The following ACIN1 variants were observed in gnomAD, a reference collection of about 807,000 sequenced individuals.
ACIN1 encodes the protein apoptotic chromatin condensation inducer 1.
In ACIN1, 16 loss-of-function variants were observed where a neutral mutation model predicts 146.6. The observed-to-expected ratio is 0.11, with a 90% CI of 0.07 to 0.17. ACIN1 has a LOEUF of 0.17. ACIN1 is among the 10% of genes least tolerant of loss of function. The pLI, the probability that ACIN1 is intolerant of heterozygous loss-of-function variation, is 1.00. For missense variants in ACIN1, 1,357 were observed against 1,609.3 expected, an observed-to-expected ratio of 0.84 and a Z score of 2.68; for synonymous variants, 569 against 582.7, an observed-to-expected ratio of 0.98 and a Z score of 0.34.
chr14:23,064,170 T>A lies in ACIN1; in HGVS notation c.2530A>T (p.Thr844Ser). The part of the protein sequence containing the change: ...ADDSRISEDE[T>S]ERNGDDGTHD... ...GTCCCATCATCGCCATTACGCTCTG[T>A]CTCATCCTCAGAGATGCGAGAGTCA... Residue 844 changes from threonine to serine, a missense_variant, in exon 12 of 19, where the codon ACA becomes TCA. Physicochemically the swap from Thr to Ser is moderately conservative, Grantham distance 58. Coordinates refer to ENST00000605057, the MANE Select transcript of ACIN1 (RefSeq NM_001386863.1). 1 of 1,614,118 alleles carries A rather than the reference T, an allele frequency of 6.2e-7. No individual in the cohort carries two copies. The highest frequency in any genetic ancestry group is 1.1e-5 in the South Asian group (1 of 91,082).
In ACIN1 at chr14:23,071,332, G is replaced by C. The variant is rs2140085708; in HGVS notation, c.2124-1715C>G. On this transcript the variant is annotated intron_variant, in intron 8 of 18. Coordinates refer to ENST00000605057, the MANE Select transcript of ACIN1 (RefSeq NM_001386863.1). ...AGAGAAAATTGAGATGTAGCAACCGGGGATCCAAAAAATGGTAAATGGAAG... is the reference window on the plus strand; with the variant it reads ...AGAGAAAATTGAGATGTAGCAACCGCGGATCCAAAAAATGGTAAATGGAAG... 2.0e-6 allele frequency: 3 copies of C among 1,513,354 alleles called. No individual in the cohort carries two copies. The Admixed American group carries it at 6.7e-5, about 34-fold the overall frequency. The allele number at this position is 1,513,354 out of a possible 1,614,324, so 93.7% of individuals were successfully genotyped here.
chr14:23,072,411 A>C (rs191235296), intron 8 of ACIN1, among the ~76,000 whole-genome samples: 1 of 152,200 alleles, frequency 6.6e-6, no homozygotes, highest in Middle Eastern at 3.2e-3. Context: ...GTGAGGCTCT[A>C]AAGTAGATAA....
At position 23,059,291 on chromosome 14, in the gene ACIN1, T is replaced by C. The variant is rs1020804534; in HGVS notation, c.3709A>G (p.Arg1237Gly). Residue 1237 changes from arginine (R) to glycine (G), a missense_variant, in exon 19 of 19, where the codon AGG becomes GGG. Arg to Gly is a moderately radical substitution (Grantham distance 125). Transcript: ENST00000605057. ...TCTCGGTCCCCCCTGTCCCGCTCCC[T>C]TTCTCTCTCTCTCTCCCTGTCCCTC... Reference protein sequence around the residue: ...RERDRERERERERDRGDRDRD... With the variant: ...RERDREREREGERDRGDRDRD... 1.2e-6 allele frequency: 2 copies of C among 1,600,054 alleles called. No individual in the cohort carries two copies. Among genetic ancestry groups the C allele is most frequent in the Non-Finnish European group, 1.7e-6 (2 of 1,167,330 alleles).
intron 12 of ACIN1, among the ~76,000 whole-genome samples, chr14:23,063,783 A>T (rs1438899720): frequency 6.6e-6 from 1 of 152,196 alleles, no homozygotes. Context: ...GGAGTTAGTA[A>T]ATTTTTTCTG....
In ACIN1 at chr14:23,063,682, C is replaced by T. The variant is rs553014339; in HGVS notation, c.2596-105G>A. The T allele has an allele frequency of 3.8e-6, 5 of 1,319,972 alleles. No homozygotes were observed. In the African/African-American group the frequency reaches 5.8e-5, roughly 15 times the overall value. The allele number at this position is 1,319,972 out of a possible 1,614,324, so 81.8% of individuals were successfully genotyped here. The stretch of plus-strand genomic sequence containing the variant: ...AGAGTAGCAGTCAATCTAGCATGTT[C>T]CTTCCGCTAGGGGTATTTCGTTATC... On this transcript the variant is annotated intron_variant, in intron 12 of 18. Transcript: ENST00000605057.
chr14:23,085,971 TA>T (rs1336175503), intron 4 of ACIN1, among the ~76,000 whole-genome samples: 3 of 152,222 alleles, frequency 2.0e-5, no homozygotes, highest in Non-Finnish European at 4.4e-5. Flanking sequence ...CAGGATATAT[TA>T]AAGTGCAGAA....
intron 3 of ACIN1, 51 bp from the exon 4 acceptor site, chr14:23,090,152 T>C (rs1036623206): frequency 1.9e-6 from 3 of 1,586,574 alleles, no homozygotes; most frequent in Admixed American, 1.7e-5. Context: ...GGACTCAGCA[T>C]GTAGGAATAT....
chr14:23,060,490 G>T (rs998321583), intron 18 of ACIN1, among the ~76,000 whole-genome samples: 5 of 151,898 alleles, frequency 3.3e-5, no homozygotes, highest in African/African-American at 1.2e-4. Context: ...CGATTTCTCA[G>T]CTAAATACAA....
At chr14:23,062,677 G>C (rs867353783) in intron 14 of ACIN1, 154 bp from the exon 15 acceptor site, 1 of 791,848 alleles carries the variant, frequency 1.3e-6, no homozygotes, top group Non-Finnish European at 2.0e-6. Context: ...GAGAAGAGTG[G>C]TGGTGCTTCC....
Position 23,059,055 on chromosome 14 carries a change from G to T in ACIN1, c.*93C>A. ...GGGATAGGTGATGTGAAAGACCCTT[G>T]GCTCCAGGGTGGTGGAGACTGTGCC... On this transcript the variant is annotated 3_prime_UTR_variant, in exon 19 of 19. Coordinates refer to ENST00000605057, the MANE Select transcript of ACIN1 (RefSeq NM_001386863.1). 2 of 1,234,176 alleles carry T rather than the reference G, an allele frequency of 1.6e-6. No individual in the cohort carries two copies. The highest frequency in any genetic ancestry group is 1.3e-5 in the South Asian group (1 of 74,690). The allele number at this position is 1,234,176 out of a possible 1,614,324, so 76.5% of individuals were successfully genotyped here.
rs1397903771 is a variant in ACIN1 at position 23,068,187 on chromosome 14, G to C, written c.2265+1289C>G. The C allele has an allele frequency of 5.1e-6, 5 of 985,786 alleles. No individual in the cohort carries two copies. In the African/African-American group the frequency reaches 8.7e-5, roughly 17 times the overall value. 61.1% of individuals were successfully genotyped at this position (985,786 alleles called of 1,614,324 possible). A position where few individuals can be genotyped will look rare whatever the true frequency, so the allele number is the denominator to read the frequency against. On this transcript the variant is annotated intron_variant, in intron 9 of 18. Transcript: ENST00000605057. The surrounding 1 kb of genome is among the most constrained non-coding windows in gnomAD (Gnocchi z 4.3). ...CTCTGCACGGTTCCTAGTCGTCACAGCTTAAGTAGAGGGTCCCACTCAGTG... is the reference window on the plus strand; with the variant it reads ...CTCTGCACGGTTCCTAGTCGTCACACCTTAAGTAGAGGGTCCCACTCAGTG...
intron 8 of ACIN1, among the ~76,000 whole-genome samples, chr14:23,072,622 G>C (rs2047691792): frequency 6.6e-6 from 1 of 152,220 alleles, no homozygotes; most frequent in Non-Finnish European, 1.5e-5. Context: ...TTGTGTCCTA[G>C]TGGCAGTAGA....
At chr14:23,063,845 A>G (rs1185716139) in intron 12 of ACIN1, among the ~76,000 whole-genome samples, 4 of 152,178 alleles carry the variant, frequency 2.6e-5, no homozygotes, top group Non-Finnish European at 5.9e-5. Flanking sequence ...TGTTGCAACT[A>G]CTCAACTCTG....
chr14:23,061,330 G>A lies in ACIN1; in HGVS notation c.3392C>T (p.Ala1131Val), dbSNP rs1327766019. ...CTCACTCTTCTTTTCTTTAGACTTC[G>A]CACGTTCCTTGCGGCGGCGGTCACG... ...RSRDRRRKER[A>V]KSKEKKSEKK... is the part of the protein sequence containing the mutation. Residue 1131 changes from alanine to valine, a missense_variant, in exon 17 of 19, where the codon GCG becomes GTG. Ala to Val is a moderately conservative substitution (Grantham distance 64). This residue lies in a region of ACIN1 where 509 missense variants were observed against 719.6 expected (regional missense o/e 0.71). Coordinates refer to ENST00000605057, the MANE Select transcript of ACIN1 (RefSeq NM_001386863.1). 1.5e-5 allele frequency: 25 copies of A among 1,613,846 alleles called. No homozygotes were observed. The highest frequency in any genetic ancestry group is 2.1e-5 in the Non-Finnish European group (25 of 1,180,016).
At chr14:23,075,510 A>G (rs1359750832) in intron 8 of ACIN1, among the ~76,000 whole-genome samples, 1 of 152,030 alleles carries the variant, frequency 6.6e-6, no homozygotes, top group East Asian at 1.9e-4. Context: ...TAAATTTAGA[A>G]TTCCTCAGGC....
chr14:23,065,091 A>G (rs2047411124), intron 10 of ACIN1, among the ~76,000 whole-genome samples: 1 of 152,136 alleles, frequency 6.6e-6, no homozygotes, highest in Non-Finnish European at 1.5e-5. Flanking sequence ...AAACAAGAAC[A>G]CTATGTGATA....
intron 10 of ACIN1, 102 bp from the exon 11 acceptor site, chr14:23,064,590 G>C (rs1566735002): frequency 1.4e-6 from 2 of 1,477,410 alleles, no homozygotes; most frequent in Non-Finnish European, 1.8e-6. Flanking sequence ...TTTGGTAAAA[G>C]GTTAACTTAA....
At chr14:23,069,652 G>GGGCGCC in intron 8 of ACIN1, 35 bp from the exon 9 acceptor site, 1 of 577,958 alleles carries the variant, frequency 1.7e-6, no homozygotes, top group East Asian at 4.3e-5. Flanking sequence ...GGGGGGGCGG[G>GGGCGCC]CAGAAAAGAA....
rs947857196 is a variant in ACIN1, at chr14:23,080,519, T to A, written c.816A>T (p.Glu272Asp). Residue 272 changes from glutamate (E) to aspartate (D), a missense_variant, in exon 6 of 19, where the codon GAA (glutamate) becomes GAT (aspartate). Glu to Asp is a conservative substitution (Grantham distance 45). Around this residue, in one of 4 missense-constraint regions of ACIN1, gnomAD observed 771 missense variants for 746.6 expected, o/e 1.03. Coordinates refer to ENST00000605057, the MANE Select transcript of ACIN1 (RefSeq NM_001386863.1). ...MDERPKTRSQEQEVLERGGRF... is the reference protein window; with the variant it reads ...MDERPKTRSQDQEVLERGGRF... ...TCCCTCCTCTCTCTAACACCTCCTGTTCCTGGGATCTTGTTTTGGGTCTCT... is the reference window on the plus strand; with the variant it reads ...TCCCTCCTCTCTCTAACACCTCCTGATCCTGGGATCTTGTTTTGGGTCTCT... 1 of 1,614,168 alleles carries A rather than the reference T, an allele frequency of 6.2e-7. No individual in the cohort carries two copies. Among genetic ancestry groups the A allele is most frequent in the Non-Finnish European group, 8.5e-7 (1 of 1,180,024 alleles).
Sources: gnomAD v4.1 joint callset for allele counts (sites outside exome capture counted in the v4.1 genomes callset) on GRCh38, gnomAD v4.1.1 for gene constraint, gnomAD v4.1.1 regional missense constraint, Gnocchi (gnomAD v3.1) non-coding constraint, MANE v1.5 for transcripts, NCBI Gene and HGNC (gene_info 2026-07-23, HGNC 2026-07-21) for gene names.